Variants in CNIH3 observed in about 807,000 individuals in gnomAD.
CNIH3 encodes the protein cornichon family AMPA receptor auxiliary protein 3, also known as protein cornichon homolog 3.
In CNIH3, 14 loss-of-function variants were observed where a neutral mutation model predicts 24.1. That is an observed-to-expected ratio of 0.58 (90% CI 0.38 to 0.91). The LOEUF (loss-of-function observed/expected upper bound fraction) is 0.91. Ranked by LOEUF, CNIH3 falls within the 40% of genes least tolerant of loss-of-function variation. The probability of loss-of-function intolerance (pLI) is 0.00; values close to 1 mark genes in which losing one functional copy is unlikely to be tolerated. For missense variants in CNIH3, 178 were observed against 196.8 expected, an observed-to-expected ratio of 0.90 and a Z score of 0.57; for synonymous variants, 68 against 73.8, an observed-to-expected ratio of 0.92 and a Z score of 0.40.
intron 3 of CNIH3, among the ~76,000 whole-genome samples, chr1:224,722,210 C>T (rs1688758949): frequency 6.6e-6 from 1 of 152,116 alleles, no homozygotes; most frequent in South Asian, 2.1e-4. Flanking sequence ...GGGCATATTC[C>T]AGGTGTTATG....
At chr1:224,575,247 A>G (rs545308941) in intron 4 of CNIH3, 20 of 1,337,064 alleles carry the variant, frequency 1.5e-5, no homozygotes, top group Middle Eastern at 2.5e-4. Flanking sequence ...ACCAGAATGC[A>G]TTGCTGAGAA....
intron 1 of CNIH3, among the ~76,000 whole-genome samples, chr1:224,470,015 T>C (rs1676303959): frequency 6.6e-6 from 1 of 151,902 alleles, no homozygotes; most frequent in South Asian, 2.1e-4. Context: ...TCAGTTATTC[T>C]TCTTCTTCTT....
At chr1:224,435,039 C>T in intron 1 of CNIH3, 1 of 985,584 alleles carries the variant, frequency 1.0e-6, no homozygotes, top group Non-Finnish European at 1.2e-6. Context: ...CCTGGCTCGG[C>T]TGGCTCGACG....
At chr1:224,503,874 G>C (rs918631301) in intron 1 of CNIH3, among the ~76,000 whole-genome samples, 1 of 152,262 alleles carries the variant, frequency 6.6e-6, no homozygotes, top group African/African-American at 2.4e-5. Flanking sequence ...GCAACCACAG[G>C]CTCTGAGGCC....
chr1:224,525,079 A>G (rs1558129816), intron 2 of CNIH3, among the ~76,000 whole-genome samples: 1 of 152,176 alleles, frequency 6.6e-6, no homozygotes, highest in Non-Finnish European at 1.5e-5. Flanking sequence ...ACCAAGTTTG[A>G]TGTTCTAATC....
chr1:224,452,130 G>T (rs2102966018), intron 1 of CNIH3, among the ~76,000 whole-genome samples: 1 of 148,392 alleles, frequency 6.7e-6, no homozygotes, highest in African/African-American at 2.5e-5. Context: ...AGACGAAAGT[G>T]AACTATTTCC....
intron 1 of CNIH3, among the ~76,000 whole-genome samples, chr1:224,622,959 T>C (rs911395018): frequency 2.6e-5 from 4 of 152,206 alleles, no homozygotes; most frequent in Non-Finnish European, 5.9e-5. Context: ...GGATGGTGCC[T>C]TTGCCACCAT....
In CNIH3 at chr1:224,602,358, T is replaced by C. The variant is rs374694516; in HGVS notation, n.402+36094T>C. On this transcript the variant is annotated intron_variant and non_coding_transcript_variant, in intron 3 of 7. Transcript: ENST00000478120. ...GTATAGCAACATTTCAAAGGTTACT[T>C]CTATAATATTTTAAATTGTTTTATC... 4.0e-4 allele frequency among the ~76,000 whole-genome samples: 61 copies of C among 152,364 alleles called. 1 individual carries two copies. The South Asian group carries it at 0.012, about 31-fold the overall frequency.
chr1:224,538,994 T>C (rs541090832), downstream of CNIH3, among the ~76,000 whole-genome samples: 4 of 152,202 alleles, frequency 2.6e-5, no homozygotes, highest in African/African-American at 9.6e-5. Flanking sequence ...AATGTACCTT[T>C]CCTCAAGTTT....
At chr1:224,500,820 G>A (rs932119596) in intron 1 of CNIH3, among the ~76,000 whole-genome samples, 1 of 152,128 alleles carries the variant, frequency 6.6e-6, no homozygotes, top group Non-Finnish European at 1.5e-5. Flanking sequence ...CCTGCTGCAC[G>A]ATTTCCCTTG....
intron 3 of CNIH3, among the ~76,000 whole-genome samples, chr1:224,729,842 G>A (rs1689230066): frequency 6.6e-6 from 1 of 152,138 alleles, no homozygotes; most frequent in Non-Finnish European, 1.5e-5. Flanking sequence ...GTCAGGATCA[G>A]TTTCTTCCCT....
intron 3 of CNIH3, among the ~76,000 whole-genome samples, chr1:224,715,720 C>T (rs75036533): frequency 0.027 from 4,133 of 152,164 alleles, 88 homozygotes; most frequent in Non-Finnish European, 0.044. Flanking sequence ...GGGGAGGTGC[C>T]AGGCTCTTTA....
At chr1:224,591,435 A>G (rs1329469074), downstream of CNIH3, among the ~76,000 whole-genome samples, 1 of 152,126 alleles carries the variant, frequency 6.6e-6, no homozygotes, top group Non-Finnish European at 1.5e-5. Context: ...TGGGTCTTAC[A>G]ATTGGCAGCT....
upstream of CNIH3, chr1:224,611,614 ATAT>A (rs906344636): frequency 3.3e-5 from 5 of 152,170 alleles, no homozygotes; most frequent in African/African-American, 1.2e-4. Context: ...GCAAAAAGAA[ATAT>A]TATCTAAAGA....
chr1:224,635,605 C>G (rs1458689468), intron 1 of CNIH3, among the ~76,000 whole-genome samples: 1 of 152,218 alleles, frequency 6.6e-6, no homozygotes, highest in Non-Finnish European at 1.5e-5. Flanking sequence ...CCGAGCCGGC[C>G]TCGGCCTTGG....
downstream of CNIH3, among the ~76,000 whole-genome samples, chr1:224,540,397 G>A (rs1026865238): frequency 7.9e-5 from 12 of 152,178 alleles, no homozygotes; most frequent in South Asian, 4.1e-4. Flanking sequence ...CCACCCATGC[G>A]GATGTAGTTG....
At chr1:224,447,393 T>A (rs1301625730) in intron 1 of CNIH3, among the ~76,000 whole-genome samples, 1 of 152,058 alleles carries the variant, frequency 6.6e-6, no homozygotes, top group African/African-American at 2.4e-5. Context: ...GAAATCCTTT[T>A]CTCTCCTTTT....
chr1:224,735,774 C>T (rs1689564481), intron 5 of CNIH3, among the ~76,000 whole-genome samples: 1 of 152,050 alleles, frequency 6.6e-6, no homozygotes, highest in South Asian at 2.1e-4. Context: ...CCACCTTAAC[C>T]TGAGTAGCTG....
rs528958564 is a variant in CNIH3 at position 224,715,500 on chromosome 1, G to C, written c.199-14962G>C. Among the ~76,000 whole-genome samples the C allele has an allele frequency of 5.9e-5, 9 of 152,182 alleles. No individual in the cohort carries two copies. In the South Asian group the frequency reaches 1.7e-3, roughly 28 times the overall value. ...TCCAACTGCCTTGGATGTTCTACAG[G>C]GACTTTGTCTTAGTCTGTTTTGTGT... On this transcript the variant is annotated intron_variant, in intron 3 of 5. Transcript: ENST00000272133.
Sources: allele counts gnomAD v4.1 joint callset (sites outside exome capture counted in the v4.1 genomes callset), GRCh38; gene constraint gnomAD v4.1.1; transcripts MANE v1.5; gene names NCBI Gene and HGNC (gene_info 2026-07-23, HGNC 2026-07-21).